Variants in ANKRD12 observed in about 807,000 individuals in gnomAD.
ANKRD12 encodes ankyrin repeat domain-containing protein 12.
ANKRD12 carries 85 observed loss-of-function variants against 183.4 expected under a neutral mutation model. That is an observed-to-expected ratio of 0.46 (90% CI 0.39 to 0.56). The LOEUF is 0.56. ANKRD12 is among the 20% of genes least tolerant of loss of function. The probability of loss-of-function intolerance (pLI) is 0.00; values close to 1 mark genes in which losing one functional copy is unlikely to be tolerated. For missense variants in ANKRD12, 2,405 were observed against 2,357.1 expected (o/e 1.02, Z -0.42); for synonymous variants, 914 against 800.2 (o/e 1.14, Z -2.40).
At position 9,172,025 on chromosome 18, in the gene ANKRD12, CAA is replaced by C. The variant is rs60328704; in HGVS notation, c.-51-10343_-51-10342del. Among the ~76,000 whole-genome samples the C allele has an allele frequency of 3.0e-4, 38 of 125,828 alleles. 1 individual carries two copies. Among genetic ancestry groups the C allele is most frequent in the Middle Eastern group, 4.0e-3 (1 of 250 alleles). 82.5% of individuals were successfully genotyped at this position (125,828 alleles called of 152,430 possible). ...GGAAGAGTGAAATGAAGCTCCACCT[CAA>C]AAAAAAAAAAAAACGAATGTTGAAT... On this transcript the variant is annotated intron_variant, in intron 1 of 12. Coordinates refer to ENST00000262126, the MANE Select transcript of ANKRD12 (RefSeq NM_015208.5).
At position 9,263,817 on chromosome 18, in the gene ANKRD12, C is replaced by T; in HGVS notation, c.5692C>T (p.Pro1898Ser). The T allele has an allele frequency of 6.4e-7, 1 of 1,568,940 alleles. No homozygotes were observed. The change falls in exon 10 of 13, where the codon CCA (proline) becomes TCA (serine). Residue 1898 changes from proline to serine, a missense_variant. Pro to Ser is a moderately conservative substitution (Grantham distance 74). Transcript: ENST00000262126. The stretch of plus-strand genomic sequence containing the variant: ...TACACCACCACCTTCACTGTCAGAT[C>T]CACTTAAAGAGCTTTTTCGACAACA... The part of the protein sequence containing the change: ...TITPPPSLSD[P>S]LKELFRQQEV...
Position 9,175,336 on chromosome 18 carries a change from T to C in ANKRD12, c.-51-7046T>C, listed in dbSNP as rs373766071. Among the ~76,000 whole-genome samples the C allele has an allele frequency of 7.9e-5, 12 of 152,230 alleles. No homozygotes were observed. In the East Asian group the frequency reaches 1.7e-3, roughly 22 times the overall value. On this transcript the variant is annotated intron_variant, in intron 1 of 12. Coordinates refer to ENST00000262126, the MANE Select transcript of ANKRD12 (RefSeq NM_015208.5). ...GTTCCCCATAGTCCTCTAGGCCACA[T>C]TGGCAACTAGAGGTGTTTTTTTCTC... is the stretch of plus-strand genomic sequence containing the variant.
In ANKRD12 at chr18:9,159,702, G is replaced by A. The variant is rs371338570; in HGVS notation, c.-51-22680G>A. Among the ~76,000 whole-genome samples the A allele has an allele frequency of 4.0e-5, 6 of 151,726 alleles. No individual in the cohort carries two copies. The South Asian group carries it at 1.3e-3, about 32-fold the overall frequency. On this transcript the variant is annotated intron_variant, in intron 1 of 12. Coordinates refer to ENST00000262126, the MANE Select transcript of ANKRD12 (RefSeq NM_015208.5). ...GATCCACCCGCCTCGGCCTCCCAAA[G>A]TGCTGGGATTACAGGCGTGAGCCAC...
rs560715319 is a variant in ANKRD12 at position 9,183,177 on chromosome 18, G to A, written c.87+658G>A. Reference sequence around the variant, plus strand: ...ACCCCATATCTGCTTTCAAAATCAGGAAGTGTAAGTTTTCAAACTGTATTC... The same window carrying A: ...ACCCCATATCTGCTTTCAAAATCAGAAAGTGTAAGTTTTCAAACTGTATTC... On this transcript the variant is annotated intron_variant, in intron 2 of 12. Transcript: ENST00000262126. Among the ~76,000 whole-genome samples, 3 of 152,256 alleles carry A rather than the reference G, an allele frequency of 2.0e-5. No individual in the cohort carries two copies. The South Asian group carries it at 6.2e-4, about 32-fold the overall frequency.
chr18:9,274,930 C>G (rs1390095042), intron 10 of ANKRD12, among the ~76,000 whole-genome samples: 1 of 152,110 alleles, frequency 6.6e-6, no homozygotes, highest in Non-Finnish European at 1.5e-5. Context: ...CACCTGTAAT[C>G]CCAGCGCTTT....
At chr18:9,146,496 A>G (rs926902440) in intron 1 of ANKRD12, among the ~76,000 whole-genome samples, 12 of 152,236 alleles carry the variant, frequency 7.9e-5, no homozygotes, top group South Asian at 4.1e-4. Context: ...TAGCCTGGCC[A>G]ACATAGTGAG....
rs775877613 is a variant in ANKRD12 at position 9,262,786 on chromosome 18, C to CTTTTTTTTTT, written c.5665-1004_5665-1003insTTTTTTTTTT. Among the ~76,000 whole-genome samples the CTTTTTTTTTT allele has an allele frequency of 2.4e-4, 21 of 87,940 alleles. 9 individuals are homozygous for CTTTTTTTTTT. The highest frequency in any genetic ancestry group is 2.5e-4 in the African/African-American group (6 of 24,214). The allele number at this position is 87,940 out of a possible 152,430, so 57.7% of individuals were successfully genotyped here. ...AGCCACCATGCCCAGCCAAGATGTC[C>CTTTTTTTTTT]CTTTTTTTTTTTTTTTTTTTTTTTT... is the stretch of plus-strand genomic sequence containing the variant. On this transcript the variant is annotated intron_variant, in intron 9 of 12. Transcript: ENST00000262126.
In ANKRD12 at chr18:9,195,684, G is replaced by A. The variant is rs375705287; in HGVS notation, c.221G>A (p.Arg74Gln). Reference protein sequence around the residue: ...FTISPSRNEERDSDTDSDPGH... With the variant: ...FTISPSRNEEQDSDTDSDPGH... Reference sequence around the variant, plus strand: ...ATTAGCCCATCAAGAAATGAAGAACGAGATTCAGACACAGGTAGAATAATT... The same window carrying A: ...ATTAGCCCATCAAGAAATGAAGAACAAGATTCAGACACAGGTAGAATAATT... The change falls in exon 3 of 13, where the codon CGA (arginine) becomes CAA (glutamine). Residue 74 changes from arginine to glutamine, a missense_variant. Around this residue, in one of 7 missense-constraint regions of ANKRD12, gnomAD observed 145 missense variants for 145.6 expected, o/e 1.00. Coordinates refer to ENST00000262126, the MANE Select transcript of ANKRD12 (RefSeq NM_015208.5). The A allele has an allele frequency of 3.7e-6, 6 of 1,609,732 alleles. No homozygotes were observed. Among genetic ancestry groups the A allele is most frequent in the African/African-American group, 2.7e-5 (2 of 74,698 alleles).
At chr18:9,228,386 G>T (rs1214236728) in intron 8 of ANKRD12, among the ~76,000 whole-genome samples, 1 of 152,052 alleles carries the variant, frequency 6.6e-6, no homozygotes, top group Admixed American at 6.6e-5. Context: ...AATTTTCTGA[G>T]AAATCTCCAA....
chr18:9,170,637 T>A (rs534759907), intron 1 of ANKRD12, among the ~76,000 whole-genome samples: 9 of 152,320 alleles, frequency 5.9e-5, no homozygotes, highest in Admixed American at 5.2e-4. Context: ...TTTTAACTTC[T>A]TTGCCATTGG....
intron 2 of ANKRD12, among the ~76,000 whole-genome samples, chr18:9,190,427 T>C (rs1055085673): frequency 6.6e-6 from 1 of 151,976 alleles, no homozygotes; most frequent in Non-Finnish European, 1.5e-5. Context: ...GCTAGAAACA[T>C]TGTTGAAATG....
At chr18:9,250,700 G>A (rs141651677) in intron 8 of ANKRD12, among the ~76,000 whole-genome samples, 267 of 152,240 alleles carry the variant, frequency 1.8e-3, no homozygotes, top group African/African-American at 6.1e-3. Flanking sequence ...CTGGGCAACA[G>A]AACAAGACCC....
chr18:9,240,142 T>G (rs950793428), intron 8 of ANKRD12, among the ~76,000 whole-genome samples: 2 of 152,240 alleles, frequency 1.3e-5, no homozygotes, highest in Non-Finnish European at 2.9e-5. Context: ...ATAAACAATT[T>G]GCAGGTTTGC....
rs1178739807 is a variant in ANKRD12, at chr18:9,281,436, C to T, written c.*310C>T. On this transcript the variant is annotated 3_prime_UTR_variant, in exon 13 of 13. Transcript: ENST00000262126. ...TGCTAACAGCGCTGGAAGTTGTTAG[C>T]GCTCTAAGTAATAAGATAACCACTA... The T allele has an allele frequency of 4.3e-5, 8 of 184,424 alleles. No homozygotes were observed. The highest frequency in any genetic ancestry group is 7.8e-5 in the Non-Finnish European group (7 of 90,122). 11.4% of individuals were successfully genotyped at this position (184,424 alleles called of 1,614,324 possible).
chr18:9,203,572 C>CAT (rs1191713449), intron 3 of ANKRD12, among the ~76,000 whole-genome samples: 41 of 149,576 alleles, frequency 2.7e-4, no homozygotes, highest in African/African-American at 5.0e-4. Flanking sequence ...GGCAGAATTC[C>CAT]ATATATATAT....
At chr18:9,165,640 A>G (rs1205093474) in intron 1 of ANKRD12, among the ~76,000 whole-genome samples, 1 of 152,190 alleles carries the variant, frequency 6.6e-6, no homozygotes, top group East Asian at 1.9e-4. Flanking sequence ...TTCACTTGGC[A>G]TAATGTCTTC....
At position 9,262,149 on chromosome 18, in the gene ANKRD12, A is replaced by G. The variant is rs1023768238; in HGVS notation, c.5665-1641A>G. ...TTCAGTCTCTCATAATGCTGATTAT[A>G]GAGTCTGTAGAGCCAGGTGTGATTT... On this transcript the variant is annotated intron_variant, in intron 9 of 12. Coordinates refer to ENST00000262126, the MANE Select transcript of ANKRD12 (RefSeq NM_015208.5). 3.9e-5 allele frequency among the ~76,000 whole-genome samples: 6 copies of G among 152,224 alleles called. No individual in the cohort carries two copies. In the East Asian group the frequency reaches 9.6e-4, roughly 24 times the overall value.
intron 1 of ANKRD12, among the ~76,000 whole-genome samples, chr18:9,172,658 G>T (rs1211447574): frequency 1.3e-5 from 2 of 152,104 alleles, no homozygotes; most frequent in Non-Finnish European, 2.9e-5. Flanking sequence ...GCATTGGGTT[G>T]CAACATGCTC....
chr18:9,268,940 C>CA (rs1453045022), intron 10 of ANKRD12, among the ~76,000 whole-genome samples: 5 of 152,178 alleles, frequency 3.3e-5, no homozygotes, highest in African/African-American at 1.2e-4. Flanking sequence ...GATGCAAAAT[C>CA]AATGTGCAAA....
Sources: gnomAD v4.1 joint callset for allele counts (sites outside exome capture counted in the v4.1 genomes callset) on GRCh38, gnomAD v4.1.1 for gene constraint, gnomAD v4.1.1 regional missense constraint, MANE v1.5 for transcripts, NCBI Gene and HGNC (gene_info 2026-07-23, HGNC 2026-07-21) for gene names.